Variants in FOXJ2 observed in about 807,000 individuals in gnomAD.
FOXJ2 encodes the protein forkhead box protein J2.
Under a neutral mutation model 68.4 loss-of-function variants are expected in FOXJ2, and 18 were observed. The ratio of observed to expected loss-of-function variants is 0.26; its 90% CI spans 0.18 to 0.39. FOXJ2 has a LOEUF of 0.39. Among genes scored for constraint, FOXJ2 ranks in the 10% least tolerant of loss-of-function variants. The pLI is 1.00. For missense variants in FOXJ2, 670 were observed against 726.5 expected (o/e 0.92, Z 0.89); for synonymous variants, 274 against 263.2 (o/e 1.04, Z -0.40).
In FOXJ2 at chr12:8,032,813, G is replaced by A; in HGVS notation, c.-1035G>A. On this transcript the variant is annotated 5_prime_UTR_variant, in exon 1 of 11. Transcript: ENST00000162391. The surrounding 1 kb of genome is among the most constrained non-coding windows in gnomAD (Gnocchi z 4.8). ...AGCCCAGACTGGTCGGAGCCCGAGCGGTGGCAGCGCGGGGAGCCCCACGCG... is the reference window on the plus strand; with the variant it reads ...AGCCCAGACTGGTCGGAGCCCGAGCAGTGGCAGCGCGGGGAGCCCCACGCG... 1 of 398,260 alleles carries A rather than the reference G, an allele frequency of 2.5e-6. No individual in the cohort carries two copies. The highest frequency in any genetic ancestry group is 4.4e-6 in the Non-Finnish European group (1 of 225,846). 24.7% of individuals were successfully genotyped at this position (398,260 alleles called of 1,614,324 possible).
chr12:8,049,523 G>A lies in FOXJ2; in HGVS notation c.1489G>A (p.Asp497Asn). The A allele has an allele frequency of 6.2e-7, 1 of 1,613,782 alleles. No individual in the cohort carries two copies. Among genetic ancestry groups the A allele is most frequent in the Non-Finnish European group, 8.5e-7 (1 of 1,179,858 alleles). Reference sequence around the variant, plus strand: ...CCCACCAGCCCCTGCCCGTATTGCTGACTCCTGTGCCCTCACCAGTGGCAA... The same window carrying A: ...CCCACCAGCCCCTGCCCGTATTGCTAACTCCTGTGCCCTCACCAGTGGCAA... The part of the protein sequence containing the change: ...HRPPAPARIA[D>N]SCALTSGKQE... Residue 497 changes from aspartate to asparagine, a missense_variant, in exon 9 of 11, where the codon GAC (aspartate) becomes AAC (asparagine). This residue lies in a region of FOXJ2 where 555 missense variants were observed against 562.2 expected (regional missense o/e 0.99). Coordinates refer to ENST00000162391, the MANE Select transcript of FOXJ2 (RefSeq NM_018416.3).
chr12:8,048,610 A>G lies in FOXJ2; in HGVS notation c.1226-87A>G. 3.8e-6 allele frequency: 5 copies of G among 1,305,860 alleles called. No homozygotes were observed. The East Asian group carries it at 1.2e-4, about 30-fold the overall frequency. 80.9% of individuals were successfully genotyped at this position (1,305,860 alleles called of 1,614,324 possible). A position where few individuals can be genotyped will look rare whatever the true frequency, so the allele number is the denominator to read the frequency against. ...ACTGCTAATCTGTATAGATGCAAGA[A>G]TCTTGCATGTAGTCAGCCTGGTATC... On this transcript the variant is annotated intron_variant, in intron 7 of 10. Coordinates refer to ENST00000162391, the MANE Select transcript of FOXJ2 (RefSeq NM_018416.3).
Position 8,050,591 on chromosome 12 carries a change from C to T in FOXJ2, c.1607C>T (p.Thr536Ile), listed in dbSNP as rs1265224846. The change falls in exon 10 of 11, where the codon ACC (threonine) becomes ATC (isoleucine). Residue 536 changes from threonine to isoleucine, a missense_variant. Thr to Ile is a moderately conservative substitution (Grantham distance 89, BLOSUM62 -1). Coordinates refer to ENST00000162391, the MANE Select transcript of FOXJ2 (RefSeq NM_018416.3). ...CCATCACCAATGTACCCAATCCCCACCCAGGACTCAGCAGGATACAATCGC... is the reference window on the plus strand; with the variant it reads ...CCATCACCAATGTACCCAATCCCCATCCAGGACTCAGCAGGATACAATCGC... The part of the protein sequence containing the change: ...PGPSPMYPIP[T>I]QDSAGYNRPA... 4 of 1,613,966 alleles carry T rather than the reference C, an allele frequency of 2.5e-6. No individual in the cohort carries two copies. Among genetic ancestry groups the T allele is most frequent in the Non-Finnish European group, 3.4e-6 (4 of 1,180,008 alleles).
chr12:8,048,648 T>A, intron 7 of FOXJ2, 49 bp from the exon 8 acceptor site: 1 of 1,523,588 alleles, frequency 6.6e-7, no homozygotes, highest in Non-Finnish European at 9.1e-7. Flanking sequence ...TTGACTGCTG[T>A]CTTACACTTC....
Position 8,033,648 on chromosome 12 carries a change from C to G in FOXJ2, c.-200C>G, listed in dbSNP as rs1333210577. 1 of 153,078 alleles carries G rather than the reference C, an allele frequency of 6.5e-6. No individual in the cohort carries two copies. Among genetic ancestry groups the G allele is most frequent in the African/African-American group, 2.4e-5 (1 of 41,460 alleles). 9.5% of individuals were successfully genotyped at this position (153,078 alleles called of 1,614,324 possible). A position where few individuals can be genotyped will look rare whatever the true frequency, so the allele number is the denominator to read the frequency against. ...CCTCCTTCTCCTCCCCCTCCCCCTCCTCCAACCTTGACTCCTCATCCTCAG... is the reference window on the plus strand; with the variant it reads ...CCTCCTTCTCCTCCCCCTCCCCCTCGTCCAACCTTGACTCCTCATCCTCAG... On this transcript the variant is annotated 5_prime_UTR_variant, in exon 1 of 11. Coordinates refer to ENST00000162391, the MANE Select transcript of FOXJ2 (RefSeq NM_018416.3).
rs1023699006 is a variant in FOXJ2 at position 8,035,034 on chromosome 12, C to T, written c.-15+1201C>T. Among the ~76,000 whole-genome samples, 3 of 152,204 alleles carry T rather than the reference C, an allele frequency of 2.0e-5. No individual in the cohort carries two copies. Among genetic ancestry groups the T allele is most frequent in the Non-Finnish European group, 2.9e-5 (2 of 68,040 alleles). ...CTTGGCCTTTCATATTTCCTCCTCT[C>T]TCTGGGGCATGGGTGAGGTCTACCT... On this transcript the variant is annotated intron_variant, in intron 1 of 10. Coordinates refer to ENST00000162391, the MANE Select transcript of FOXJ2 (RefSeq NM_018416.3). This position sits in a 1 kb window ranked among gnomAD's most constrained non-coding sequence, Gnocchi z 4.0.
At chr12:8,036,044 T>G (rs1946890908) in intron 1 of FOXJ2, among the ~76,000 whole-genome samples, 1 of 152,248 alleles carries the variant, frequency 6.6e-6, no homozygotes, top group African/African-American at 2.4e-5. Context: ...TAATTTCTAG[T>G]ATTCTCTTTT....
At position 8,050,839 on chromosome 12, in the gene FOXJ2, T is replaced by TC. The variant is rs1565631394; in HGVS notation, c.1636+221dup. On this transcript the variant is annotated intron_variant, in intron 10 of 10. Coordinates refer to ENST00000162391, the MANE Select transcript of FOXJ2 (RefSeq NM_018416.3). ...TCCCCTCCCCTCCCTTCCCCTCCCT[T>TC]CCTTTCCCTTCCCCTTCCCTTCCCT... Among the ~76,000 whole-genome samples the TC allele has an allele frequency of 5.6e-5, 5 of 89,362 alleles. No individual in the cohort carries two copies. In the South Asian group the frequency reaches 1.3e-3, roughly 24 times the overall value. 58.6% of individuals were successfully genotyped at this position (89,362 alleles called of 152,430 possible).
Position 8,044,046 on chromosome 12 carries a change from G to T in FOXJ2, c.573G>T (p.Pro191=), listed in dbSNP as rs373011160. ...CCTCACTGCCTCCTGAGGGGAATCCGCAGATGTCACTTCAGAGCCCCACAT... is the reference window on the plus strand; with the variant it reads ...CCTCACTGCCTCCTGAGGGGAATCCTCAGATGTCACTTCAGAGCCCCACAT... ...GEASLPPEGN[P]QMSLQSPTSI... is the part of the protein sequence containing the mutation. The change falls in exon 5 of 11, where the codon CCG becomes CCT. Residue 191 remains proline, a synonymous_variant. Coordinates refer to ENST00000162391, the MANE Select transcript of FOXJ2 (RefSeq NM_018416.3). The T allele has an allele frequency of 3.8e-6, 6 of 1,581,014 alleles. No homozygotes were observed. The highest frequency in any genetic ancestry group is 5.1e-6 in the Non-Finnish European group (6 of 1,165,756).
In FOXJ2 at chr12:8,039,939, C is replaced by T. The variant is rs770462460; in HGVS notation, c.107C>T (p.Pro36Leu). ...GGAAGTGCCTCCCAGGCTGGGCCTCCCGGGAGCAGCCGCAAGTGTTCACCA... is the reference window on the plus strand; with the variant it reads ...GGAAGTGCCTCCCAGGCTGGGCCTCTCGGGAGCAGCCGCAAGTGTTCACCA... ...KLGSASQAGP[P>L]GSSRKCSPGS... The change falls in exon 2 of 11, where the codon CCC becomes CTC. Residue 36 changes from proline (P) to leucine (L), a missense_variant. Physicochemically the swap from Pro to Leu is moderately conservative, Grantham distance 98. This residue lies in a region of FOXJ2 where 115 missense variants were observed against 164.3 expected (regional missense o/e 0.70). Coordinates refer to ENST00000162391, the MANE Select transcript of FOXJ2 (RefSeq NM_018416.3). The T allele has an allele frequency of 1.9e-6, 3 of 1,614,112 alleles. No homozygotes were observed. In the East Asian group the frequency reaches 6.7e-5, roughly 36 times the overall value.
rs1021940653 is a variant in FOXJ2, at chr12:8,054,718, T to C, written c.*1868T>C. The C allele has an allele frequency of 3.9e-5, 6 of 152,526 alleles. No homozygotes were observed. The highest frequency in any genetic ancestry group is 2.0e-4 in the Admixed American group (3 of 15,282). 9.4% of individuals were successfully genotyped at this position (152,526 alleles called of 1,614,324 possible). A position where few individuals can be genotyped will look rare whatever the true frequency, so the allele number is the denominator to read the frequency against. On this transcript the variant is annotated 3_prime_UTR_variant, in exon 11 of 11. Transcript: ENST00000162391. ...TTGAAGTATGACATAATATTTCCCA[T>C]TGGGGAAAGGAGAATTTCTCTTAGA...
rs764817930 is a variant in FOXJ2, at chr12:8,042,732, GGTAAGATACTACT to G, written c.408+6_408+18del. ...CCAGACCTCGGGATGACCCTGGGAAGGTAAGATACTACTGTAAGCATTGAAAGGAGGAGTAGGA... is the reference window on the plus strand; with the variant it reads ...CCAGACCTCGGGATGACCCTGGGAAGGTAAGCATTGAAAGGAGGAGTAGGA... On this transcript the variant is annotated splice_donor_variant and splice_donor_5th_base_variant and intron_variant, in intron 3 of 10. Coordinates refer to ENST00000162391, the MANE Select transcript of FOXJ2 (RefSeq NM_018416.3). LOFTEE classifies it high-confidence loss of function. The G allele has an allele frequency of 3.1e-6, 5 of 1,612,198 alleles. No individual in the cohort carries two copies. Among genetic ancestry groups the G allele is most frequent in the African/African-American group, 1.3e-5 (1 of 74,874 alleles).
chr12:8,044,523 C>T (rs1425876611), intron 5 of FOXJ2, among the ~76,000 whole-genome samples: 3 of 151,814 alleles, frequency 2.0e-5, no homozygotes, highest in African/African-American at 7.3e-5. Flanking sequence ...GGCGACAGAG[C>T]GAGACCCTGC....
chr12:8,039,044 C>T (rs1047183794), intron 1 of FOXJ2, among the ~76,000 whole-genome samples: 4 of 151,878 alleles, frequency 2.6e-5, no homozygotes, highest in African/African-American at 7.3e-5. Context: ...TGTCTGTGGG[C>T]GGGAGCGTGC....
chr12:8,051,581 T>TA (rs1947127322), intron 10 of FOXJ2, among the ~76,000 whole-genome samples: 1 of 152,212 alleles, frequency 6.6e-6, no homozygotes, highest in African/African-American at 2.4e-5. Flanking sequence ...TATCCACACA[T>TA]ACTTGCTGTG....
rs1946929995 is a variant in FOXJ2 at position 8,038,870 on chromosome 12, G to GAGGGCGGAGA, written c.-14-944_-14-935dup. 6.6e-6 allele frequency among the ~76,000 whole-genome samples: 1 copy of GAGGGCGGAGA among 152,324 alleles called. No homozygotes were observed. The highest frequency in any genetic ancestry group is 2.4e-5 in the African/African-American group (1 of 41,568). On this transcript the variant is annotated intron_variant, in intron 1 of 10. Transcript: ENST00000162391. This position sits in a 1 kb window ranked among gnomAD's most constrained non-coding sequence, Gnocchi z 5.3. Reference sequence around the variant, plus strand: ...TGGCTGGGAAGGAAGGAGGGAGGAGGAGGGCGGAGAAGGGGAGCCAGCTCC... The same window carrying GAGGGCGGAGA: ...TGGCTGGGAAGGAAGGAGGGAGGAGGAGGGCGGAGAAGGGCGGAGAAGGGGAGCCAGCTCC...
In FOXJ2 at chr12:8,035,269, G is replaced by C. The variant is rs1294585221; in HGVS notation, c.-15+1436G>C. 6.6e-6 allele frequency among the ~76,000 whole-genome samples: 1 copy of C among 152,130 alleles called. No individual in the cohort carries two copies. Among genetic ancestry groups the C allele is most frequent in the Non-Finnish European group, 1.5e-5 (1 of 68,026 alleles). The stretch of plus-strand genomic sequence containing the variant: ...AGTTACCTAGAATTGTATGTTTCTG[G>C]TGGGCCTCTAGAAGCAGGTGCCTCT... On this transcript the variant is annotated intron_variant, in intron 1 of 10. Transcript: ENST00000162391. This position sits in a 1 kb window ranked among gnomAD's most constrained non-coding sequence, Gnocchi z 4.0.
rs1027716234 is a variant in FOXJ2, at chr12:8,032,782, C to G, written c.-1066C>G. The G allele has an allele frequency of 2.5e-6, 1 of 398,208 alleles. No homozygotes were observed. The highest frequency in any genetic ancestry group is 4.4e-6 in the Non-Finnish European group (1 of 225,942). 24.7% of individuals were successfully genotyped at this position (398,208 alleles called of 1,614,324 possible). ...ACACTGTCTGCCCGCCTTCTGGCTC[C>G]CCGGGAGCCCAGACTGGTCGGAGCC... On this transcript the variant is annotated 5_prime_UTR_variant, in exon 1 of 11. Transcript: ENST00000162391. The surrounding 1 kb of genome is among the most constrained non-coding windows in gnomAD (Gnocchi z 4.8).
intron 6 of FOXJ2, 89 bp from the exon 7 acceptor site, chr12:8,047,793 C>G: frequency 6.8e-7 from 1 of 1,474,988 alleles, no homozygotes; most frequent in South Asian, 1.3e-5. Context: ...CAGTTTTAGT[C>G]TGAGGCTTCC....
Sources: allele counts gnomAD v4.1 joint callset (sites outside exome capture counted in the v4.1 genomes callset), GRCh38; gene constraint gnomAD v4.1.1; regional missense constraint gnomAD v4.1.1; non-coding constraint Gnocchi (gnomAD v3.1); transcripts MANE v1.5; gene names NCBI Gene and HGNC (gene_info 2026-07-23, HGNC 2026-07-21).